The following WWOX variants were observed in gnomAD, a reference collection of about 807,000 sequenced individuals.
WWOX encodes the protein WW domain containing oxidoreductase.
WWOX carries 69 observed loss-of-function variants against 46.2 expected under a neutral mutation model. The ratio of observed to expected loss-of-function variants is 1.49; its 90% CI spans 1.23 to 1.82. The LOEUF (loss-of-function observed/expected upper bound fraction) is 1.82, where lower values mean the gene tolerates loss of function less well. Among genes scored for constraint, WWOX ranks in the 40% most tolerant of loss-of-function variants. The pLI, the probability that WWOX is intolerant of heterozygous loss-of-function variation, is 0.00. For synonymous variants in WWOX, 359 were observed against 202.6 expected (o/e 1.77, Z -6.56); for missense variants, 919 against 542.6 (o/e 1.69, Z -6.89).
intron 8 of WWOX, among the ~76,000 whole-genome samples, chr16:79,050,566 G>A (rs984121806): frequency 6.6e-6 from 1 of 152,180 alleles, no homozygotes; most frequent in South Asian, 2.1e-4. Flanking sequence ...CCAAAGCCCG[G>A]GGCATGGATC....
chr16:78,275,588 A>T (rs1335997864), intron 5 of WWOX, among the ~76,000 whole-genome samples: 2 of 152,204 alleles, frequency 1.3e-5, no homozygotes, highest in Non-Finnish European at 2.9e-5. Context: ...TAGCACAGAC[A>T]AAAGTAGTGA....
chr16:78,258,999 C>T (rs904185857), intron 5 of WWOX, among the ~76,000 whole-genome samples: 8 of 152,286 alleles, frequency 5.3e-5, no homozygotes, highest in East Asian at 3.9e-4. Context: ...CATTCCTTAC[C>T]TCAGACGTGC....
intron 5 of WWOX, among the ~76,000 whole-genome samples, chr16:78,362,982 G>C (rs954857919): frequency 6.6e-6 from 1 of 152,248 alleles, no homozygotes; most frequent in African/African-American, 2.4e-5. Flanking sequence ...CCCAGCATTA[G>C]GCAATATTCA....
intron 8 of WWOX, among the ~76,000 whole-genome samples, chr16:78,501,072 G>A (rs187138016): frequency 1.2e-3 from 183 of 152,222 alleles, no homozygotes; most frequent in African/African-American, 4.3e-3. Context: ...ATGTTGGGCA[G>A]GGCAGAGGGT....
chr16:79,137,356 C>G (rs1265783853), intron 8 of WWOX, among the ~76,000 whole-genome samples: 3 of 152,132 alleles, frequency 2.0e-5, no homozygotes, highest in East Asian at 1.9e-4. Context: ...CATGTGTTAG[C>G]CTTAAGTTAA....
intron 5 of WWOX, among the ~76,000 whole-genome samples, chr16:78,384,912 G>A (rs907710631): frequency 6.6e-6 from 1 of 152,044 alleles, no homozygotes; most frequent in Non-Finnish European, 1.5e-5. Context: ...GGGGTGGGTG[G>A]ATCACAAGGT....
intron 8 of WWOX, among the ~76,000 whole-genome samples, chr16:78,672,822 T>C (rs1367820062): frequency 6.6e-6 from 1 of 152,188 alleles, no homozygotes; most frequent in African/African-American, 2.4e-5. Flanking sequence ...TCTGACTTGA[T>C]CGGAGTTCTA....
chr16:79,000,788 C>G (rs1326504562), intron 8 of WWOX, among the ~76,000 whole-genome samples: 2 of 152,176 alleles, frequency 1.3e-5, no homozygotes, highest in Non-Finnish European at 2.9e-5. Flanking sequence ...AATATACCCT[C>G]TAAAAGCCCC....
rs1399511725 is a variant in WWOX, at chr16:78,344,083, G to A, written c.517-42777G>A. 6.0e-5 allele frequency among the ~76,000 whole-genome samples: 7 copies of A among 116,442 alleles called. 1 individual carries two copies. In the East Asian group the frequency reaches 7.8e-4, roughly 13 times the overall value. 76.4% of individuals were successfully genotyped at this position (116,442 alleles called of 152,430 possible). Reference sequence around the variant, plus strand: ...ATGTTCCAGAATGCCATTATTCTTCGTCACCACGGTCAGGTATATCATCCT... The same window carrying A: ...ATGTTCCAGAATGCCATTATTCTTCATCACCACGGTCAGGTATATCATCCT... On this transcript the variant is annotated intron_variant, in intron 5 of 8. Coordinates refer to ENST00000566780, the MANE Select transcript of WWOX (RefSeq NM_016373.4).
chr16:79,106,009 A>G (rs1379504425), intron 8 of WWOX: 3 of 152,226 alleles, frequency 2.0e-5, no homozygotes, highest in Non-Finnish European at 2.9e-5. Context: ...ATTATTTTAC[A>G]TCATTTTCAG....
At chr16:78,505,142 C>G (rs1490866606) in intron 8 of WWOX, among the ~76,000 whole-genome samples, 1 of 152,204 alleles carries the variant, frequency 6.6e-6, no homozygotes, top group Admixed American at 6.5e-5. Flanking sequence ...CTCTTCAGAA[C>G]TTCAAATCTA....
At position 78,171,490 on chromosome 16, in the gene WWOX, A is replaced by G. The variant is rs554525469; in HGVS notation, c.516+7201A>G. ...TATGTGTTGGGGGGAGGCATGTGGTATGTGGGGCGGGTAAAATACGAGCCT... is the reference window on the plus strand; with the variant it reads ...TATGTGTTGGGGGGAGGCATGTGGTGTGTGGGGCGGGTAAAATACGAGCCT... On this transcript the variant is annotated intron_variant, in intron 5 of 8. Transcript: ENST00000566780. Among the ~76,000 whole-genome samples, 162 of 152,150 alleles carry G rather than the reference A, an allele frequency of 1.1e-3. 1 individual carries two copies. The highest frequency in any genetic ancestry group is 4.6e-3 in the South Asian group (22 of 4,814).
intron 8 of WWOX, among the ~76,000 whole-genome samples, chr16:78,783,224 C>G (rs2050373331): frequency 6.6e-6 from 1 of 152,180 alleles, no homozygotes; most frequent in African/African-American, 2.4e-5. Flanking sequence ...CTTGACTTAA[C>G]TGTTCTCTTA....
intron 5 of WWOX, among the ~76,000 whole-genome samples, chr16:78,264,003 TTTTTTTTTTTTTG>T (rs945697103): frequency 1.7e-4 from 24 of 138,420 alleles, no homozygotes; most frequent in Admixed American, 6.6e-4. Context: ...AATCTTTTTT[TTTTTTTTTTTTTG>T]TTTTTTTGCT....
At chr16:78,514,374 G>A (rs915730463) in intron 8 of WWOX, among the ~76,000 whole-genome samples, 2 of 152,154 alleles carry the variant, frequency 1.3e-5, no homozygotes, top group African/African-American at 4.8e-5. Flanking sequence ...TCACTATTAG[G>A]TCCATGAAAT....
chr16:78,388,292 A>T (rs553135105), intron 6 of WWOX, among the ~76,000 whole-genome samples: 3 of 152,264 alleles, frequency 2.0e-5, no homozygotes, highest in Non-Finnish European at 4.4e-5. Context: ...CAGCCTCTGA[A>T]AATGCTGGGA....
chr16:78,385,630 A>G lies in WWOX; in HGVS notation c.517-1230A>G, dbSNP rs934478896. Among the ~76,000 whole-genome samples the G allele has an allele frequency of 2.6e-5, 4 of 152,272 alleles. No individual in the cohort carries two copies. The East Asian group carries it at 7.7e-4, about 29-fold the overall frequency. ...CAGCTGCAATTACGCTGAACGTCTC[A>G]GCCCAGCTCCTGTCCATCCCTGAAC... On this transcript the variant is annotated intron_variant, in intron 5 of 8. Transcript: ENST00000566780.
chr16:78,648,756 G>A (rs116836036), intron 8 of WWOX, among the ~76,000 whole-genome samples: 1 of 152,212 alleles, frequency 6.6e-6, no homozygotes, highest in African/African-American at 2.4e-5. Context: ...TAACCATAAA[G>A]CTTTCTTTCT....
chr16:78,123,435 G>GTTTTTTGTT (rs200594331), intron 4 of WWOX: 6 of 48,722 alleles, frequency 1.2e-4, no homozygotes, highest in African/African-American at 3.8e-4. Flanking sequence ...TTTGTTTTTT[G>GTTTTTTGTT]TTTTGTTTTT....
Sources: allele counts gnomAD v4.1 joint callset (sites outside exome capture counted in the v4.1 genomes callset), GRCh38; gene constraint gnomAD v4.1.1; transcripts MANE v1.5; gene names NCBI Gene and HGNC (gene_info 2026-07-23, HGNC 2026-07-21).